GSDME: variants seen among roughly 807,000 people sequenced by gnomAD.
The protein encoded by GSDME is gasdermin-E.
GSDME carries 44 observed loss-of-function variants against 47.5 expected under a neutral mutation model. The ratio of observed to expected loss-of-function variants is 0.93; its 90% CI spans 0.73 to 1.19. The LOEUF (loss-of-function observed/expected upper bound fraction) is 1.19, where lower values mean the gene tolerates loss of function less well. Ranked by LOEUF, GSDME falls within the 50% of genes most tolerant of loss-of-function variation. The probability of loss-of-function intolerance (pLI) is 0.00; values close to 1 mark genes in which losing one functional copy is unlikely to be tolerated. For missense variants in GSDME, 663 were observed against 604.2 expected (o/e 1.10, Z -1.02); for synonymous variants, 258 against 252.8 (o/e 1.02, Z -0.20).
chr7:24,771,426 G>T, the GSDME span, among the ~76,000 whole-genome samples: 2 of 152,186 alleles, frequency 1.3e-5, no homozygotes, highest in Non-Finnish European at 2.9e-5. This position sits in a 1 kb window ranked among gnomAD's most constrained non-coding sequence, Gnocchi z 4.1. Flanking sequence ...TTAAGTGAAT[G>T]AGTGAAGATA....
At chr7:24,719,768 G>C (rs1236783440) in intron 3 of GSDME, among the ~76,000 whole-genome samples, 1 of 151,886 alleles carries the variant, frequency 6.6e-6, no homozygotes, top group Non-Finnish European at 1.5e-5. Flanking sequence ...GCTCCAGCCA[G>C]GGCAACAGAG....
chr7:24,714,164 G>A lies in GSDME; in HGVS notation c.697+3090C>T, dbSNP rs1789457092. On this transcript the variant is annotated intron_variant, in intron 5 of 9. Transcript: ENST00000645220. This position sits in a 1 kb window ranked among gnomAD's most constrained non-coding sequence, Gnocchi z 5.0. The stretch of plus-strand genomic sequence containing the variant: ...AAAGGGTGTTTCTGATTGGGCATAA[G>A]TGTCTCCTGAGAGGGGAGCTGTGGG... Among the ~76,000 whole-genome samples the A allele has an allele frequency of 2.0e-5, 3 of 152,236 alleles. No homozygotes were observed. The highest frequency in any genetic ancestry group is 4.4e-5 in the Non-Finnish European group (3 of 68,032).
intron 2 of GSDME, among the ~76,000 whole-genome samples, chr7:24,748,701 C>G (rs1165616702): frequency 6.6e-6 from 1 of 152,134 alleles, no homozygotes; most frequent in Non-Finnish European, 1.5e-5. Flanking sequence ...CACATCTGGA[C>G]AAGCTGATAA....
At chr7:24,776,636 C>T in the GSDME span, among the ~76,000 whole-genome samples, 3,456 of 152,226 alleles carry the variant, frequency 0.023, 139 homozygotes, top group African/African-American at 0.079. Context: ...CTTAATGGAT[C>T]GCCTTAATTA....
At chr7:24,772,273 G>A in the GSDME span, among the ~76,000 whole-genome samples, 1 of 152,302 alleles carries the variant, frequency 6.6e-6, no homozygotes, top group East Asian at 1.9e-4. This position sits in a 1 kb window ranked among gnomAD's most constrained non-coding sequence, Gnocchi z 4.5. Context: ...GCTGCATCTT[G>A]CTTAGCTTCA....
chr7:24,755,104 A>G (rs1423375139), intron 1 of GSDME, among the ~76,000 whole-genome samples: 2 of 152,224 alleles, frequency 1.3e-5, no homozygotes, highest in Admixed American at 1.3e-4. Context: ...CAGCAAAGAA[A>G]GAAGCAGCCC....
chr7:24,711,926 C>T (rs959542858), intron 5 of GSDME, among the ~76,000 whole-genome samples: 1 of 151,670 alleles, frequency 6.6e-6, no homozygotes, highest in Admixed American at 6.6e-5. Context: ...TACGTCCTTG[C>T]TAAGCAGAAA....
the GSDME span, among the ~76,000 whole-genome samples, chr7:24,784,683 C>A: frequency 6.7e-6 from 1 of 149,346 alleles, no homozygotes. Flanking sequence ...CCTCAGCCTC[C>A]CGAGTAGCTG....
intron 2 of GSDME, among the ~76,000 whole-genome samples, chr7:24,746,118 A>G (rs1790659018): frequency 6.6e-6 from 1 of 152,192 alleles, no homozygotes; most frequent in East Asian, 1.9e-4. Context: ...CTCCTCAACC[A>G]GGGTTAATCA....
At position 24,724,852 on chromosome 7, in the gene GSDME, T is replaced by A. The variant is rs2128055903; in HGVS notation, c.405-5634A>T. On this transcript the variant is annotated intron_variant, in intron 3 of 9. Transcript: ENST00000645220. This position sits in a 1 kb window ranked among gnomAD's most constrained non-coding sequence, Gnocchi z 4.8. Reference sequence around the variant, plus strand: ...CTGGGTCACGGGGGTGGATCCCTCATGAAAGGCTTGGTGCCCGCCTTGCAG... The same window carrying A: ...CTGGGTCACGGGGGTGGATCCCTCAAGAAAGGCTTGGTGCCCGCCTTGCAG... 1 of 152,402 alleles carries A rather than the reference T, an allele frequency of 6.6e-6. No homozygotes were observed. Among genetic ancestry groups the A allele is most frequent in the Admixed American group, 6.5e-5 (1 of 15,290 alleles). 9.4% of individuals were successfully genotyped at this position (152,402 alleles called of 1,614,324 possible). A position where few individuals can be genotyped will look rare whatever the true frequency, so the allele number is the denominator to read the frequency against.
At chr7:24,771,718 C>G in the GSDME span, among the ~76,000 whole-genome samples, 3 of 152,166 alleles carry the variant, frequency 2.0e-5, no homozygotes, top group Non-Finnish European at 4.4e-5. The surrounding 1 kb of genome is among the most constrained non-coding windows in gnomAD (Gnocchi z 4.1). Flanking sequence ...CTTGGATGCT[C>G]CACACTCACT....
Position 24,754,335 on chromosome 7 carries a change from A to G in GSDME, c.-20+3061T>C, listed in dbSNP as rs1265094579. ...AAACCCGGTCTGTACTAAAAATACAAAAATTAGCCAGACATGGTGGCAGGC... is the reference window on the plus strand; with the variant it reads ...AAACCCGGTCTGTACTAAAAATACAGAAATTAGCCAGACATGGTGGCAGGC... On this transcript the variant is annotated intron_variant, in intron 1 of 9. Transcript: ENST00000645220. This position sits in a 1 kb window ranked among gnomAD's most constrained non-coding sequence, Gnocchi z 5.0. 1.3e-5 allele frequency among the ~76,000 whole-genome samples: 2 copies of G among 152,120 alleles called. No homozygotes were observed. Among genetic ancestry groups the G allele is most frequent in the Admixed American group, 6.5e-5 (1 of 15,274 alleles).
intron 7 of GSDME, chr7:24,707,497 C>T (rs1312762926): frequency 2.2e-6 from 1 of 461,198 alleles, no homozygotes; most frequent in African/African-American, 2.0e-5. Flanking sequence ...TTTATAGATT[C>T]CACCACACGA....
the GSDME span, among the ~76,000 whole-genome samples, chr7:24,786,102 T>C: frequency 2.6e-5 from 4 of 152,294 alleles, no homozygotes; most frequent in South Asian, 2.1e-4. The surrounding 1 kb of genome is among the most constrained non-coding windows in gnomAD (Gnocchi z 5.5). Flanking sequence ...CTGGGGATCA[T>C]AGAGTGGCAG....
chr7:24,757,479 C>G (rs977203743), upstream of GSDME: 1 of 151,532 alleles, frequency 6.6e-6, no homozygotes, highest in Admixed American at 6.6e-5. The surrounding 1 kb of genome is among the most constrained non-coding windows in gnomAD (Gnocchi z 5.9). Flanking sequence ...CGGCGGGGGG[C>G]GGGCGCTTGG....
chr7:24,708,004 G>GA, intron 7 of GSDME, 123 bp downstream of exon 7: 1 of 1,280,478 alleles, frequency 7.8e-7, no homozygotes, highest in Non-Finnish European at 1.1e-6. Flanking sequence ...CCAAGAGTCA[G>GA]AAAAGAGACA....
chr7:24,740,574 A>G (rs1790456708), intron 3 of GSDME, among the ~76,000 whole-genome samples: 1 of 152,132 alleles, frequency 6.6e-6, no homozygotes, highest in Admixed American at 6.5e-5. Flanking sequence ...GTATGCCTGT[A>G]TCAAAACATC....
In GSDME at chr7:24,700,201, C is replaced by T. The variant is rs148246530; in HGVS notation, c.1258-942G>A. 1.7e-4 allele frequency among the ~76,000 whole-genome samples: 26 copies of T among 152,242 alleles called. No homozygotes were observed. The East Asian group carries it at 4.6e-3, about 27-fold the overall frequency. On this transcript the variant is annotated intron_variant, in intron 9 of 9. Coordinates refer to ENST00000645220, the MANE Select transcript of GSDME (RefSeq NM_001127453.2). ...TTCCCTTATTTAACCCTAAGCTGCTCGTGAGAGCAGGGACCTTGTCTGCCG... is the reference window on the plus strand; with the variant it reads ...TTCCCTTATTTAACCCTAAGCTGCTTGTGAGAGCAGGGACCTTGTCTGCCG...
rs1435762570 is a variant in GSDME at position 24,742,613 on chromosome 7, C to T, written c.404+1949G>A. Among the ~76,000 whole-genome samples, 1 of 152,164 alleles carries T rather than the reference C, an allele frequency of 6.6e-6. No individual in the cohort carries two copies. Among genetic ancestry groups the T allele is most frequent in the Non-Finnish European group, 1.5e-5 (1 of 68,026 alleles). ...ACACCTGAATCATGGTGTTTAAAAACCTATATCGAGAAATGTGATTATAGG... is the reference window on the plus strand; with the variant it reads ...ACACCTGAATCATGGTGTTTAAAAATCTATATCGAGAAATGTGATTATAGG... On this transcript the variant is annotated intron_variant, in intron 3 of 9. Transcript: ENST00000645220. This position sits in a 1 kb window ranked among gnomAD's most constrained non-coding sequence, Gnocchi z 4.4.
Sources: gnomAD v4.1 joint callset for allele counts (sites outside exome capture counted in the v4.1 genomes callset) on GRCh38, gnomAD v4.1.1 for gene constraint, Gnocchi (gnomAD v3.1) non-coding constraint, MANE v1.5 for transcripts, NCBI Gene and HGNC (gene_info 2026-07-23, HGNC 2026-07-21) for gene names.